ZNF544: variants seen among roughly 807,000 people sequenced by gnomAD.
ZNF544 encodes the protein zinc finger protein 544, also known as zinc finger protein AF020591.
ZNF544 carries 10 observed loss-of-function variants against 13.5 expected under a neutral mutation model. The ratio of observed to expected loss-of-function variants is 0.74; its 90% confidence interval spans 0.46 to 1.25. The LOEUF is 1.25. Ranked by LOEUF, ZNF544 falls within the 50% of genes most tolerant of loss-of-function variation. ZNF544 has a pLI of 0.00. For missense variants in ZNF544, 896 were observed against 845.6 expected (o/e 1.06, Z -0.74); for synonymous variants, 323 against 300.5 (o/e 1.07, Z -0.77).
At chr19:58,253,048 G>C (rs1341877310) in intron 6 of ZNF544, among the ~76,000 whole-genome samples, 1 of 152,194 alleles carries the variant, frequency 6.6e-6, no homozygotes, top group South Asian at 2.1e-4. Context: ...TCGATTTCCT[G>C]ACCTTGTGAT....
chr19:58,241,855 G>A (rs562669915), intron 3 of ZNF544, among the ~76,000 whole-genome samples: 1 of 152,182 alleles, frequency 6.6e-6, no homozygotes, highest in Admixed American at 6.5e-5. Flanking sequence ...TGGCACTGAG[G>A]TCGCATGCAG....
intron 5 of ZNF544, among the ~76,000 whole-genome samples, chr19:58,273,061 A>G (rs763145495): frequency 9.9e-5 from 15 of 151,544 alleles, no homozygotes; most frequent in Non-Finnish European, 2.1e-4. Flanking sequence ...CATGCCTGTA[A>G]TCCCAGCTAC....
intron 6 of ZNF544, among the ~76,000 whole-genome samples, chr19:58,256,500 C>T (rs543101893): frequency 6.6e-6 from 1 of 152,200 alleles, no homozygotes; most frequent in South Asian, 2.1e-4. Flanking sequence ...TAAAAACATG[C>T]AAGAATCAAC....
At chr19:58,255,785 G>A (rs260453) in intron 6 of ZNF544, among the ~76,000 whole-genome samples, 76,179 of 152,024 alleles carry the variant, frequency 0.5, 19,348 homozygotes, top group Middle Eastern at 0.62. Flanking sequence ...TCACAGATAG[G>A]GATCAGGGAC....
intron 6 of ZNF544, chr19:58,276,448 C>T (rs961308581): frequency 1.9e-5 from 23 of 1,204,584 alleles, no homozygotes; most frequent in Non-Finnish European, 2.1e-5. Flanking sequence ...AGACATCTGT[C>T]AAAAGTCAGA....
At chr19:58,276,752 C>T (rs1372961690) in intron 6 of ZNF544, among the ~76,000 whole-genome samples, 4 of 152,190 alleles carry the variant, frequency 2.6e-5, no homozygotes, top group South Asian at 2.1e-4. Context: ...CACTCACAGG[C>T]GTGAGCCACC....
chr19:58,269,639 G>A (rs1023821050), intron 5 of ZNF544, among the ~76,000 whole-genome samples: 8 of 146,092 alleles, frequency 5.5e-5, no homozygotes, highest in Non-Finnish European at 1.0e-4. Flanking sequence ...AAAGATGGCA[G>A]GGCTGGCATG....
intron 5 of ZNF544, among the ~76,000 whole-genome samples, chr19:58,270,715 C>G (rs1004254689): frequency 6.6e-6 from 1 of 152,160 alleles, no homozygotes; most frequent in Admixed American, 6.5e-5. Context: ...GTCAGCCCCA[C>G]CTGCAGATGT....
chr19:58,273,123 G>C (rs533414779), intron 5 of ZNF544, among the ~76,000 whole-genome samples: 1 of 151,696 alleles, frequency 6.6e-6, no homozygotes, highest in Non-Finnish European at 1.5e-5. Flanking sequence ...GGAGGTTGCA[G>C]TAAGCCAAGA....
Position 58,261,993 on chromosome 19 carries a change from C to T in ZNF544, c.1387C>T (p.Pro463Ser). 5 of 1,613,616 alleles carry T rather than the reference C, an allele frequency of 3.1e-6. No homozygotes were observed. The highest frequency in any genetic ancestry group is 4.2e-6 in the Non-Finnish European group (5 of 1,179,950). Reference sequence around the variant, plus strand: ...TCAGAGAATTCATACTGGAGAGAAACCGTATGAGTGCACTCACTGTGGAAA... The same window carrying T: ...TCAGAGAATTCATACTGGAGAGAAATCGTATGAGTGCACTCACTGTGGAAA... ...VHQRIHTGEK[P>S]YECTHCGKSF... is the part of the protein sequence containing the mutation. Residue 463 changes from proline (P) to serine (S), a missense_variant, in exon 7 of 7, where the codon CCG becomes TCG. By Grantham distance (74) the Pro-to-Ser change is moderately conservative. Coordinates refer to ENST00000687789, the MANE Select transcript of ZNF544 (RefSeq NM_014480.4).
At position 58,262,535 on chromosome 19, in the gene ZNF544, G is replaced by A. The variant is rs764528306; in HGVS notation, c.1929G>A (p.Arg643=). 1.9e-6 allele frequency: 3 copies of A among 1,614,174 alleles called. No individual in the cohort carries two copies. The South Asian group carries it at 3.3e-5, about 18-fold the overall frequency. The change falls in exon 7 of 7, where the codon AGG becomes AGA. Residue 643 remains arginine (R), a synonymous_variant. Transcript: ENST00000687789. ...ATCAGTGCAATAAAGCCTTTGCAAG[G>A]AGCTCCTACCTTGTGATGCATCAGA... is the stretch of plus-strand genomic sequence containing the variant. ...KCNQCNKAFA[R]SSYLVMHQRT...
At chr19:58,258,982 A>T (rs953829546) in intron 6 of ZNF544, 2 of 152,198 alleles carry the variant, frequency 1.3e-5, no homozygotes, top group African/African-American at 4.8e-5. Flanking sequence ...GACAATAACA[A>T]GGATGGCAAG....
In ZNF544 at chr19:58,261,061, C is replaced by A. The variant is rs758122223; in HGVS notation, c.455C>A (p.Ala152Asp). 1.2e-6 allele frequency: 2 copies of A among 1,614,190 alleles called. No homozygotes were observed. The highest frequency in any genetic ancestry group is 4.5e-5 in the East Asian group (2 of 44,886). Residue 152 changes from alanine to aspartate, a missense_variant, in exon 7 of 7, where the codon GCT becomes GAT. Coordinates refer to ENST00000687789, the MANE Select transcript of ZNF544 (RefSeq NM_014480.4). ...FMVLTSERLF[A>D]QREHCELELG... ...GTACTCACCTCAGAGAGACTGTTTG[C>A]TCAAAGGGAACATTGTGAGCTTGAA...
At chr19:58,237,783 C>T (rs780206769) in intron 3 of ZNF544, among the ~76,000 whole-genome samples, 1 of 152,162 alleles carries the variant, frequency 6.6e-6, no homozygotes, top group Non-Finnish European at 1.5e-5. Context: ...TTGGCATGGC[C>T]AGTATTCGGC....
chr19:58,277,186 CG>C lies in ZNF544; in HGVS notation c.356del (p.Arg119GlnfsTer50). 8.1e-7 allele frequency: 1 copy of C among 1,231,656 alleles called. No homozygotes were observed. The highest frequency in any genetic ancestry group is 1.0e-6 in the Non-Finnish European group (1 of 987,974). 76.3% of individuals were successfully genotyped at this position (1,231,656 alleles called of 1,614,324 possible). A position where few individuals can be genotyped will look rare whatever the true frequency, so the allele number is the denominator to read the frequency against. ...CCTAACACCTGCTCCTTCTCAGGAACGAGGCCCAGCAAAAAGCAGAGACGGT... is the reference window on the plus strand; with the variant it reads ...CCTAACACCTGCTCCTTCTCAGGAACAGGCCCAGCAAAAAGCAGAGACGGT... On this transcript the variant is annotated frameshift_variant, in exon 7 of 7. Transcript: ENST00000595981. LOFTEE classifies it high-confidence loss of function.
chr19:58,257,447 CTGAT>C (rs940766738), intron 6 of ZNF544: 9 of 152,290 alleles, frequency 5.9e-5, no homozygotes, highest in African/African-American at 1.9e-4. Flanking sequence ...CATGACCAGT[CTGAT>C]TGGTTGTGGA....
Position 58,243,014 on chromosome 19 carries a change from A to AG in ZNF544, c.-59-945dup, listed in dbSNP as rs796280675. Among the ~76,000 whole-genome samples the AG allele has an allele frequency of 3.7e-4, 56 of 151,580 alleles. 1 individual carries two copies. The highest frequency in any genetic ancestry group is 1.1e-3 in the African/African-American group (47 of 41,260). ...CTGGCTGGCTAACGTTTTTATAGAG[A>AG]GGGGGGTCTCACTTTGTTGCCTAGG... On this transcript the variant is annotated intron_variant, in intron 3 of 6. Transcript: ENST00000687789.
chr19:58,231,199 G>A (rs897601357), intron 3 of ZNF544, among the ~76,000 whole-genome samples: 47 of 152,158 alleles, frequency 3.1e-4, no homozygotes, highest in African/African-American at 1.1e-3. Context: ...CAGGGGCATT[G>A]GGCTGGGCTG....
Position 58,243,958 on chromosome 19 carries a change from AC to A in ZNF544, c.-59-3del. The A allele has an allele frequency of 1.3e-6, 2 of 1,549,822 alleles. No individual in the cohort carries two copies. Among genetic ancestry groups the A allele is most frequent in the Admixed American group, 2.0e-5 (1 of 51,116 alleles). On this transcript the variant is annotated splice_region_variant and splice_polypyrimidine_tract_variant and intron_variant, in intron 3 of 6. Coordinates refer to ENST00000687789, the MANE Select transcript of ZNF544 (RefSeq NM_014480.4). ...GGGGCTGAATCTCTGCTTGTTTTCC[AC>A]CCCAGACTGGTCTTCTGAGGACCTC...
Sources: allele counts gnomAD v4.1 joint callset (sites outside exome capture counted in the v4.1 genomes callset), GRCh38; gene constraint gnomAD v4.1.1; transcripts MANE v1.5; gene names NCBI Gene and HGNC (gene_info 2026-07-23, HGNC 2026-07-21).